Variants in RGS22 observed in about 807,000 individuals in gnomAD.
RGS22 encodes the protein regulator of G-protein signaling 22.
In RGS22, 148 loss-of-function variants were observed where a neutral mutation model predicts 172.9. The ratio of observed to expected loss-of-function variants is 0.86; its 90% CI spans 0.75 to 0.98. The LOEUF is 0.98. Among genes scored for constraint, RGS22 ranks in the 50% least tolerant of loss-of-function variants. The probability of loss-of-function intolerance (pLI) is 0.00; values close to 1 mark genes in which losing one functional copy is unlikely to be tolerated. For synonymous variants in RGS22, 458 were observed against 480.2 expected (o/e 0.95, Z 0.60); for missense variants, 1,347 against 1,440.8 (o/e 0.93, Z 1.05).
chr8:100,050,624 T>C (rs768865870), intron 10 of RGS22, among the ~76,000 whole-genome samples: 1 of 152,204 alleles, frequency 6.6e-6, no homozygotes, highest in Non-Finnish European at 1.5e-5. Context: ...AGGGCTACTA[T>C]GATTAATAAG....
intron 11 of RGS22, among the ~76,000 whole-genome samples, chr8:100,043,605 G>A (rs546979469): frequency 1.2e-4 from 18 of 151,926 alleles, no homozygotes; most frequent in East Asian, 5.8e-4. Flanking sequence ...GTGAAACCCC[G>A]TCTCTACTAA....
intron 13 of RGS22, among the ~76,000 whole-genome samples, chr8:100,039,660 G>A (rs1819897537): frequency 6.6e-6 from 1 of 151,786 alleles, no homozygotes; most frequent in Admixed American, 6.6e-5. Flanking sequence ...ACAGGCATGA[G>A]CCACCGCGCC....
At chr8:100,010,006 A>G (rs1220932147) in intron 14 of RGS22, among the ~76,000 whole-genome samples, 1 of 152,170 alleles carries the variant, frequency 6.6e-6, no homozygotes, top group Non-Finnish European at 1.5e-5. Context: ...TAAGATCTTT[A>G]ATGATTCTTT....
rs552752742 is a variant in RGS22 at position 99,993,765 on chromosome 8, T to C, written c.3018+2697A>G. On this transcript the variant is annotated intron_variant, in intron 20 of 27. Coordinates refer to ENST00000360863, the MANE Select transcript of RGS22 (RefSeq NM_015668.5). ...AGGGAATCCTTCCTAACTCGTTTTATGAGGCCAACGTCATCCTGATACCAA... is the reference window on the plus strand; with the variant it reads ...AGGGAATCCTTCCTAACTCGTTTTACGAGGCCAACGTCATCCTGATACCAA... Among the ~76,000 whole-genome samples the C allele has an allele frequency of 9.2e-5, 14 of 152,352 alleles. No individual in the cohort carries two copies. The South Asian group carries it at 1.9e-3, about 20-fold the overall frequency.
rs1229828665 is a variant in RGS22 at position 100,021,383 on chromosome 8, C to CCTTATTTAG, written c.2167-12815_2167-12814insCTAAATAAG. Among the ~76,000 whole-genome samples, 6 of 152,142 alleles carry CCTTATTTAG rather than the reference C, an allele frequency of 3.9e-5. No individual in the cohort carries two copies. The East Asian group carries it at 1.2e-3, about 29-fold the overall frequency. On this transcript the variant is annotated intron_variant, in intron 14 of 27. Transcript: ENST00000360863. ...TGAATAGTCCTTATTTAGAAAAGGT[C>CCTTATTTAG]AAAACTAAGCTTCAAATATTACATT...
rs571760819 is a variant in RGS22 at position 100,084,402 on chromosome 8, T to C, written c.118-4047A>G. Among the ~76,000 whole-genome samples, 226 of 152,244 alleles carry C rather than the reference T, an allele frequency of 1.5e-3. 1 individual carries two copies. Among genetic ancestry groups the C allele is most frequent in the Non-Finnish European group, 2.7e-3 (186 of 68,012 alleles). On this transcript the variant is annotated intron_variant, in intron 3 of 27. Coordinates refer to ENST00000360863, the MANE Select transcript of RGS22 (RefSeq NM_015668.5). ...TAAGCATGAAAGTGAGGAGAGGAAC[T>C]GGTCAAAAAGAAGTGCTTTACAGAA... is the stretch of plus-strand genomic sequence containing the variant.
At chr8:100,076,565 C>T (rs1361753669) in intron 4 of RGS22, among the ~76,000 whole-genome samples, 1 of 152,150 alleles carries the variant, frequency 6.6e-6, no homozygotes, top group Non-Finnish European at 1.5e-5. Flanking sequence ...ACAGAATTAA[C>T]CAGTGAAGCC....
intron 23 of RGS22, among the ~76,000 whole-genome samples, chr8:99,968,736 G>A (rs984998819): frequency 1.5e-4 from 23 of 152,154 alleles, no homozygotes; most frequent in African/African-American, 5.3e-4. Context: ...TATGTGAAAA[G>A]ACCAAACCTA....
intron 7 of RGS22, among the ~76,000 whole-genome samples, chr8:100,064,545 A>G (rs1397941585): frequency 6.6e-6 from 1 of 152,180 alleles, no homozygotes; most frequent in African/African-American, 2.4e-5. Context: ...AAAACTGCCA[A>G]TGGGAATTAA....
At chr8:100,075,224 G>T (rs963606991) in intron 4 of RGS22, among the ~76,000 whole-genome samples, 1 of 152,172 alleles carries the variant, frequency 6.6e-6, no homozygotes, top group African/African-American at 2.4e-5. Context: ...TAGTGGGAGA[G>T]ATGTCTTGGT....
Position 100,039,362 on chromosome 8 carries a change from T to C in RGS22, c.2065-330A>G, listed in dbSNP as rs112416843. ...GCAGAACCAAACATTACTCTAGTAA[T>C]TGAACCAGTTAAATACTTTTTTTTT... On this transcript the variant is annotated intron_variant, in intron 13 of 27. Coordinates refer to ENST00000360863, the MANE Select transcript of RGS22 (RefSeq NM_015668.5). Among the ~76,000 whole-genome samples, 6 of 143,292 alleles carry C rather than the reference T, an allele frequency of 4.2e-5. 1 individual carries two copies. The highest frequency in any genetic ancestry group is 1.6e-4 in the African/African-American group (6 of 38,258). The allele number at this position is 143,292 out of a possible 152,430, so 94.0% of individuals were successfully genotyped here.
At chr8:100,084,553 CTT>C (rs1260388956) in intron 3 of RGS22, among the ~76,000 whole-genome samples, 1 of 152,138 alleles carries the variant, frequency 6.6e-6, no homozygotes, top group Non-Finnish European at 1.5e-5. Context: ...TACTTTTAAA[CTT>C]AAGAATTTCT....
At chr8:99,983,695 T>C (rs1380722698) in intron 21 of RGS22, among the ~76,000 whole-genome samples, 1 of 152,204 alleles carries the variant, frequency 6.6e-6, no homozygotes, top group Non-Finnish European at 1.5e-5. Context: ...AGAGGTAGTT[T>C]AGCTCAAATT....
At chr8:100,105,133 A>G (rs1196185510) in intron 2 of RGS22, among the ~76,000 whole-genome samples, 1 of 152,344 alleles carries the variant, frequency 6.6e-6, no homozygotes, top group Admixed American at 6.5e-5. Flanking sequence ...AAATGAGGCC[A>G]TTTATGTGAA....
At chr8:100,000,460 C>T (rs749560606) in intron 18 of RGS22, among the ~76,000 whole-genome samples, 11 of 152,032 alleles carry the variant, frequency 7.2e-5, no homozygotes, top group African/African-American at 2.2e-4. Flanking sequence ...TGGACTAGCA[C>T]GATCTTTATA....
Position 100,047,458 on chromosome 8 carries a change from C to A in RGS22, c.1823+5G>T. The A allele has an allele frequency of 6.3e-7, 1 of 1,590,028 alleles. No individual in the cohort carries two copies. Among genetic ancestry groups the A allele is most frequent in the Non-Finnish European group, 8.5e-7 (1 of 1,172,394 alleles). ...AGCACTTAACACACAAAAAGTTGCA[C>A]CTACCCTTTCTCAATCACATCATCC... On this transcript the variant is annotated splice_donor_5th_base_variant and intron_variant, in intron 11 of 27. Coordinates refer to ENST00000360863, the MANE Select transcript of RGS22 (RefSeq NM_015668.5).
At chr8:100,082,901 G>A (rs750798086) in intron 3 of RGS22, among the ~76,000 whole-genome samples, 63 of 152,144 alleles carry the variant, frequency 4.1e-4, no homozygotes, top group Non-Finnish European at 7.9e-4. Flanking sequence ...TGGTGTATGT[G>A]GGTAACTCTA....
At chr8:100,005,994 T>C in intron 16 of RGS22, 23 bp downstream of exon 16, 1 of 1,603,136 alleles carries the variant, frequency 6.2e-7, no homozygotes, top group Non-Finnish European at 8.5e-7. Flanking sequence ...AAGTTTGTTT[T>C]TCTAAGTAGA....
At chr8:100,018,771 C>A (rs1198964377) in intron 14 of RGS22, among the ~76,000 whole-genome samples, 1 of 152,074 alleles carries the variant, frequency 6.6e-6, no homozygotes, top group Non-Finnish European at 1.5e-5. Flanking sequence ...ATTTCCGCAC[C>A]ACTTAATAGT....
Sources: gnomAD v4.1 joint callset for allele counts (sites outside exome capture counted in the v4.1 genomes callset) on GRCh38, gnomAD v4.1.1 for gene constraint, MANE v1.5 for transcripts, NCBI Gene and HGNC (gene_info 2026-07-23, HGNC 2026-07-21) for gene names.